Variants in ZNF177 observed in about 807,000 individuals in gnomAD.
ZNF177 encodes zinc finger protein 177.
Under a neutral mutation model 19.4 loss-of-function variants are expected in ZNF177, and 17 were observed. The ratio of observed to expected loss-of-function variants is 0.87; its 90% confidence interval spans 0.60 to 1.31. ZNF177 has a LOEUF of 1.31. ZNF177 is among the 40% of genes most tolerant of loss of function. The probability of loss-of-function intolerance (pLI) is 0.00; values close to 1 mark genes in which losing one functional copy is unlikely to be tolerated. For synonymous variants in ZNF177, 220 were observed against 188.7 expected, an observed-to-expected ratio of 1.17 and a Z score of -1.36; for missense variants, 633 against 561.8, an observed-to-expected ratio of 1.13 and a Z score of -1.28.
intron 4 of ZNF177, 159 bp downstream of exon 6, chr19:9,379,778 A>C (rs1299532236): frequency 1.0e-6 from 1 of 957,110 alleles, no homozygotes; most frequent in East Asian, 2.7e-5. Context: ...GGTCTCCGAG[A>C]AAGAAGTTTT....
At chr19:9,363,678 G>GC (rs1266729739) in intron 1 of ZNF177, among the ~76,000 whole-genome samples, 1 of 152,156 alleles carries the variant, frequency 6.6e-6, no homozygotes, top group African/African-American at 2.4e-5. Flanking sequence ...TGGGACTTGT[G>GC]CTTTTTTGAG....
chr19:9,381,485 AAC>A lies in ZNF177; in HGVS notation c.1161_1162del (p.Arg388LeufsTer9), dbSNP rs1469288340. The A allele has an allele frequency of 7.4e-6, 12 of 1,611,774 alleles. 1 individual carries two copies. The highest frequency in any genetic ancestry group is 2.7e-5 in the African/African-American group (2 of 74,930). ...TTCATCGATCAGTCATCCCTTAAGA[AAC>A]ACACACGCTCTCACACTGGAGAGAA... is the stretch of plus-strand genomic sequence containing the variant. On this transcript the variant is annotated frameshift_variant, in exon 6 of 6. Coordinates refer to ENST00000589262, the Ensembl canonical transcript of ZNF177. LOFTEE classifies it low-confidence loss of function (END_TRUNC).
chr19:9,379,688 G>T, intron 4 of ZNF177, 69 bp downstream of exon 6: 1 of 1,531,976 alleles, frequency 6.5e-7, no homozygotes, highest in Non-Finnish European at 8.8e-7. Flanking sequence ...ATGTCACTCA[G>T]TGAAGGAAAA....
chr19:9,379,697 A>G (rs2068162767), intron 4 of ZNF177, 78 bp downstream of exon 6: 3 of 1,498,324 alleles, frequency 2.0e-6, no homozygotes, highest in Non-Finnish European at 2.7e-6. Flanking sequence ...AGTGAAGGAA[A>G]AGAAATCTGA....
At chr19:9,364,639 A>G (rs1321797556) in intron 1 of ZNF177, among the ~76,000 whole-genome samples, 1 of 152,148 alleles carries the variant, frequency 6.6e-6, no homozygotes, top group Admixed American at 6.5e-5. Flanking sequence ...ACAGAGGAAA[A>G]AGAGACCTTG....
exon 6 of ZNF177, chr19:9,381,131 A>G: frequency 6.2e-7 from 1 of 1,614,022 alleles, no homozygotes; most frequent in South Asian, 1.1e-5. Flanking sequence ...ACTTTCACTG[A>G]CCCTTTGTCC....
At chr19:9,377,989 C>G (rs2068135786) in intron 1 of ZNF177, among the ~76,000 whole-genome samples, 1 of 152,152 alleles carries the variant, frequency 6.6e-6, no homozygotes, top group Non-Finnish European at 1.5e-5. Flanking sequence ...TATTCAGAGA[C>G]AGTTTTGCAC....
exon 6 of ZNF177, chr19:9,381,053 C>G (rs1314699402): frequency 6.2e-7 from 1 of 1,605,582 alleles, no homozygotes. Context: ...GGCAAAATAT[C>G]TCCCCTTAGT....
chr19:9,379,131 G>A, intron 3 of ZNF177, 43 bp downstream of exon 5: 1 of 1,559,798 alleles, frequency 6.4e-7, no homozygotes, highest in Non-Finnish European at 8.7e-7. Context: ...GTAGCAAATA[G>A]TTCTTAAGCA....
chr19:9,371,650 G>GA (rs1292132264), upstream of ZNF177: 1 of 152,022 alleles, frequency 6.6e-6, no homozygotes, highest in Non-Finnish European at 1.5e-5. Flanking sequence ...GAAATTATGG[G>GA]AAAAAATCAA....
intron 2 of ZNF177, among the ~76,000 whole-genome samples, chr19:9,366,481 C>T (rs2067981567): frequency 6.6e-6 from 1 of 152,072 alleles, no homozygotes; most frequent in Non-Finnish European, 1.5e-5. Context: ...GGTCTGAACT[C>T]CTGGGTTAAT....
exon 6 of ZNF177, chr19:9,382,094 CACTG>C (rs139190597): frequency 0.087 from 35,670 of 408,650 alleles, 1,980 homozygotes; most frequent in Non-Finnish European, 0.11. Flanking sequence ...AATTGCTGGA[CACTG>C]ACTGATGTAC....
At chr19:9,378,188 A>C (rs951499625) in intron 1 of ZNF177, 71 bp from the exon 4 acceptor site, 63 of 1,413,236 alleles carry the variant, frequency 4.5e-5, no homozygotes, top group South Asian at 5.9e-5. Context: ...TAGTAAGAAG[A>C]AGCTTCCCAG....
At chr19:9,375,270 T>A (rs1404659340), upstream of ZNF177, among the ~76,000 whole-genome samples, 1 of 152,208 alleles carries the variant, frequency 6.6e-6, no homozygotes, top group Non-Finnish European at 1.5e-5. Context: ...TGCATCTATT[T>A]TCAGTAGGGA....
chr19:9,376,753 T>G (rs112188475), intron 1 of ZNF177, among the ~76,000 whole-genome samples: 3 of 152,216 alleles, frequency 2.0e-5, no homozygotes, highest in African/African-American at 7.2e-5. Context: ...CAAATTATTA[T>G]AACTTTTTAA....
At chr19:9,381,628 T>C in exon 6 of ZNF177, 1 of 1,614,174 alleles carries the variant, frequency 6.2e-7, no homozygotes, top group Non-Finnish European at 8.5e-7. Context: ...TGGGAAGGCC[T>C]TTAGGAATTC....
intron 4 of ZNF177, 40 bp from the exon 7 acceptor site, chr19:9,380,016 CT>C (rs1327140288): frequency 1.3e-6 from 2 of 1,596,026 alleles, no homozygotes; most frequent in Non-Finnish European, 1.7e-6. Context: ...TGATCCCAAC[CT>C]TTTCTCCCAA....
upstream of ZNF177, among the ~76,000 whole-genome samples, chr19:9,375,774 T>A (rs930198240): frequency 1.3e-5 from 2 of 152,192 alleles, no homozygotes; most frequent in African/African-American, 4.8e-5. Context: ...CAACCAACAT[T>A]CAGTTTCATC....
intron 2 of ZNF177, among the ~76,000 whole-genome samples, chr19:9,365,585 G>A (rs10164324): frequency 0.38 from 58,071 of 151,920 alleles, 12,901 homozygotes; most frequent in Non-Finnish European, 0.5. Flanking sequence ...AAGGACCAAG[G>A]CAGGCATCCC....
Sources: gnomAD v4.1 joint callset for allele counts (sites outside exome capture counted in the v4.1 genomes callset) on GRCh38, gnomAD v4.1.1 for gene constraint, MANE v1.5 for transcripts, NCBI Gene and HGNC (gene_info 2026-07-23, HGNC 2026-07-21) for gene names.